The following PLCB4 variants were observed in gnomAD, a reference collection of about 807,000 sequenced individuals.
PLCB4 encodes phospholipase C beta 4.
PLCB4 carries 77 observed loss-of-function variants against 178.8 expected under a neutral mutation model. The ratio of observed to expected loss-of-function variants is 0.43; its 90% CI spans 0.36 to 0.52. The LOEUF (loss-of-function observed/expected upper bound fraction) is 0.52. PLCB4 is among the 20% of genes least tolerant of loss of function. The pLI is 0.00. For synonymous variants in PLCB4, 496 were observed against 490.8 expected, an observed-to-expected ratio of 1.01 and a Z score of -0.14; for missense variants, 1,024 against 1,453.4, an observed-to-expected ratio of 0.70 and a Z score of 4.80.
At chr20:9,304,102 G>A (rs1286732407) in intron 3 of PLCB4, among the ~76,000 whole-genome samples, 1 of 118,122 alleles carries the variant, frequency 8.5e-6, no homozygotes, top group African/African-American at 2.8e-5. Context: ...ACTGATCATT[G>A]TTTTACTATT....
At chr20:9,243,108 T>G (rs2094084524) in intron 3 of PLCB4, among the ~76,000 whole-genome samples, 2 of 152,216 alleles carry the variant, frequency 1.3e-5, no homozygotes, top group Admixed American at 1.3e-4. Flanking sequence ...TTGTTGTTGA[T>G]CTGAGAACCA....
chr20:9,069,586 A>G (rs1327577974), intron 1 of PLCB4, among the ~76,000 whole-genome samples: 9 of 152,090 alleles, frequency 5.9e-5, no homozygotes, highest in Non-Finnish European at 1.5e-5. Flanking sequence ...AAATCATAGA[A>G]ATGATTGACC....
Position 9,378,731 on chromosome 20 carries a change from G to A in PLCB4, c.745-1323G>A, listed in dbSNP as rs78353556. Among the ~76,000 whole-genome samples the A allele has an allele frequency of 2.7e-3, 406 of 152,196 alleles. 3 individuals are homozygous for A. The highest frequency in any genetic ancestry group is 8.9e-3 in the African/African-American group (371 of 41,536). ...ATTACAACAGAAGCATGCTTCATTG[G>A]GATAAATTGATGAAATTTGATATTG... On this transcript the variant is annotated intron_variant, in intron 12 of 39. Coordinates refer to ENST00000378473, the MANE Select transcript of PLCB4 (RefSeq NM_001377142.1).
At chr20:9,155,250 G>T (rs377091378) in intron 2 of PLCB4, among the ~76,000 whole-genome samples, 1 of 151,878 alleles carries the variant, frequency 6.6e-6, no homozygotes, top group Non-Finnish European at 1.5e-5. Context: ...TGTCTCCAGC[G>T]CCATCCAAGT....
chr20:9,329,698 G>C (rs1019164506), intron 4 of PLCB4, among the ~76,000 whole-genome samples: 4 of 152,182 alleles, frequency 2.6e-5, no homozygotes, highest in African/African-American at 9.7e-5. Flanking sequence ...TATTTTGTCT[G>C]ACAGATTTTT....
chr20:9,263,045 G>A (rs1007657337), intron 3 of PLCB4, among the ~76,000 whole-genome samples: 1 of 152,132 alleles, frequency 6.6e-6, no homozygotes, highest in African/African-American at 2.4e-5. Flanking sequence ...TTGGGTGACT[G>A]TCCTAGATAT....
chr20:9,283,765 A>T (rs2094514397), intron 3 of PLCB4, among the ~76,000 whole-genome samples: 1 of 151,960 alleles, frequency 6.6e-6, no homozygotes, highest in South Asian at 2.1e-4. Flanking sequence ...TCTAGCAGGG[A>T]CACAGTGAAA....
At chr20:9,244,798 TAAA>T (rs2094107418) in intron 3 of PLCB4, among the ~76,000 whole-genome samples, 1 of 152,234 alleles carries the variant, frequency 6.6e-6, no homozygotes, top group Non-Finnish European at 1.5e-5. Context: ...ATTCTGATAG[TAAA>T]TAGTGATGGT....
At chr20:9,323,454 T>C (rs765773233) in intron 4 of PLCB4, among the ~76,000 whole-genome samples, 1 of 152,248 alleles carries the variant, frequency 6.6e-6, no homozygotes, top group Non-Finnish European at 1.5e-5. Flanking sequence ...CACCAGGGAA[T>C]TAATTCATCA....
chr20:9,174,794 ATAT>A (rs2093126920), intron 2 of PLCB4, among the ~76,000 whole-genome samples: 2 of 152,296 alleles, frequency 1.3e-5, no homozygotes, highest in African/African-American at 4.8e-5. Flanking sequence ...ACATAGTGTA[ATAT>A]TCATGTTTGC....
At chr20:9,280,450 G>C in intron 3 of PLCB4, 1 of 984,492 alleles carries the variant, frequency 1.0e-6, no homozygotes, top group Non-Finnish European at 1.2e-6. Context: ...TGGAATGGCA[G>C]GGGAGAAGGG....
rs561038505 is a variant in PLCB4, at chr20:9,352,935, G to T, written c.370-9961G>T. On this transcript the variant is annotated intron_variant, in intron 7 of 39. Transcript: ENST00000378473. ...TCTGAGGGTGATTTAAAAATCATAT[G>T]ACACTTAATATATTTCTTCTTTCAC... 8.5e-5 allele frequency among the ~76,000 whole-genome samples: 13 copies of T among 152,250 alleles called. No individual in the cohort carries two copies. In the East Asian group the frequency reaches 2.5e-3, roughly 29 times the overall value.
intron 2 of PLCB4, among the ~76,000 whole-genome samples, chr20:9,103,938 C>T (rs1199927297): frequency 6.6e-6 from 1 of 152,026 alleles, no homozygotes; most frequent in Non-Finnish European, 1.5e-5. Flanking sequence ...AGTCATTTTT[C>T]TCATTGATAA....
chr20:9,260,580 T>G (rs1374123490), intron 3 of PLCB4, among the ~76,000 whole-genome samples: 1 of 152,170 alleles, frequency 6.6e-6, no homozygotes, highest in African/African-American at 2.4e-5. Flanking sequence ...GTTATAGATC[T>G]ACATATACAT....
chr20:9,420,034 C>T (rs368863532), intron 26 of PLCB4, 125 bp downstream of exon 26: 4 of 531,974 alleles, frequency 7.5e-6, no homozygotes, highest in African/African-American at 5.7e-5. Context: ...ACTTAAGATT[C>T]CACCCCCTTT....
chr20:9,419,915 G>A lies in PLCB4; in HGVS notation c.2154+6G>A. The stretch of plus-strand genomic sequence containing the variant: ...CAGCCACTTGCTCAGTGCAGGTAAG[G>A]CCCCTGCTCATCACAAGGTAGTATA... On this transcript the variant is annotated splice_donor_region_variant and intron_variant, in intron 26 of 39. Coordinates refer to ENST00000378473, the MANE Select transcript of PLCB4 (RefSeq NM_001377142.1). 2 of 1,555,930 alleles carry A rather than the reference G, an allele frequency of 1.3e-6. No homozygotes were observed. The highest frequency in any genetic ancestry group is 1.8e-6 in the Non-Finnish European group (2 of 1,126,824).
chr20:9,078,523 G>T (rs6118473), intron 1 of PLCB4, among the ~76,000 whole-genome samples: 6 of 151,158 alleles, frequency 4.0e-5, no homozygotes, highest in Admixed American at 1.3e-4. Flanking sequence ...CACCAAGCCC[G>T]GCTAATTTTT....
intron 2 of PLCB4, among the ~76,000 whole-genome samples, chr20:9,168,624 C>T (rs1345013302): frequency 2.0e-5 from 3 of 152,192 alleles, no homozygotes; most frequent in Non-Finnish European, 4.4e-5. Flanking sequence ...AGGGACCACA[C>T]TTTGACTAGC....
chr20:9,267,048 C>T (rs1196249049), intron 3 of PLCB4, among the ~76,000 whole-genome samples: 2 of 152,046 alleles, frequency 1.3e-5, no homozygotes, highest in Admixed American at 6.6e-5. Flanking sequence ...AAATGGAGCA[C>T]GACATACTAC....
Sources: gnomAD v4.1 joint callset for allele counts (sites outside exome capture counted in the v4.1 genomes callset) on GRCh38, gnomAD v4.1.1 for gene constraint, MANE v1.5 for transcripts, NCBI Gene and HGNC (gene_info 2026-07-23, HGNC 2026-07-21) for gene names.